MALRD1: variants seen among roughly 807,000 people sequenced by gnomAD.
MALRD1 encodes the protein MAM and LDL receptor class A domain containing 1.
A neutral mutation model predicts 242.1 loss-of-function variants in MALRD1; 247 were observed. The ratio of observed to expected loss-of-function variants is 1.02; its 90% CI spans 0.92 to 1.13. The LOEUF is 1.13. Among genes scored for constraint, MALRD1 ranks in the 50% most tolerant of loss-of-function variants. MALRD1 has a pLI of 0.00. For synonymous variants in MALRD1, 995 were observed against 866.6 expected (o/e 1.15, Z -2.60); for missense variants, 2,989 against 2,533.1 (o/e 1.18, Z -3.86).
intron 31 of MALRD1, among the ~76,000 whole-genome samples, chr10:19,522,947 T>C (rs1279716838): frequency 6.6e-6 from 1 of 152,226 alleles, no homozygotes; most frequent in Non-Finnish European, 1.5e-5. Flanking sequence ...TTCTCTATAG[T>C]AGTTATTCAA....
intron 31 of MALRD1, among the ~76,000 whole-genome samples, chr10:19,524,497 A>T (rs1046681970): frequency 6.6e-5 from 10 of 152,084 alleles, no homozygotes; most frequent in Non-Finnish European, 1.0e-4. Flanking sequence ...GCACGTTGGA[A>T]ATCTGCGGGA....
rs1554817785 is a variant in MALRD1 at position 19,238,498 on chromosome 10, A to AT, written c.2992-19186_2992-19185insT. Among the ~76,000 whole-genome samples the AT allele has an allele frequency of 1.5e-3, 11 of 7,154 alleles. 1 individual carries two copies. Among genetic ancestry groups the AT allele is most frequent in the Admixed American group, 4.7e-3 (2 of 422 alleles). 4.7% of individuals were successfully genotyped at this position (7,154 alleles called of 152,430 possible). ...ATAATATACATTATATATAATATAT[A>AT]ATATAATATATAATGTATATTATAT... is the stretch of plus-strand genomic sequence containing the variant. On this transcript the variant is annotated intron_variant, in intron 18 of 39. Coordinates refer to ENST00000454679, the MANE Select transcript of MALRD1 (RefSeq NM_001142308.3).
At chr10:19,063,174 A>G (rs1834873802) in intron 1 of MALRD1, among the ~76,000 whole-genome samples, 1 of 152,136 alleles carries the variant, frequency 6.6e-6, no homozygotes, top group African/African-American at 2.4e-5. Flanking sequence ...TATGTAATGT[A>G]TATTTTACTA....
chr10:19,490,878 T>A (rs887273173), intron 29 of MALRD1, among the ~76,000 whole-genome samples: 1 of 152,184 alleles, frequency 6.6e-6, no homozygotes, highest in South Asian at 2.1e-4. Flanking sequence ...GTTAGTTCTC[T>A]GTACTTGTCA....
chr10:19,141,592 A>T (rs1391282046), intron 10 of MALRD1, among the ~76,000 whole-genome samples: 5 of 151,640 alleles, frequency 3.3e-5, no homozygotes, highest in Admixed American at 2.6e-4. Context: ...TACAATTTTC[A>T]ATAACTCATA....
chr10:19,353,057 AG>A (rs1206405143), intron 26 of MALRD1, among the ~76,000 whole-genome samples: 9 of 151,754 alleles, frequency 5.9e-5, no homozygotes, highest in Middle Eastern at 6.8e-3. Context: ...CCCACACTGG[AG>A]TGCAGTGGTA....
intron 33 of MALRD1, among the ~76,000 whole-genome samples, chr10:19,574,270 G>T (rs981754132): frequency 2.6e-5 from 4 of 152,190 alleles, no homozygotes; most frequent in Non-Finnish European, 2.9e-5. Context: ...TTTGTCAGTT[G>T]TGTTCAATGG....
chr10:19,289,872 A>G (rs61850889), intron 21 of MALRD1, among the ~76,000 whole-genome samples: 2,430 of 152,262 alleles, frequency 0.016, 24 homozygotes, highest in Non-Finnish European at 0.026. Context: ...CTTTCTGTCA[A>G]TTCTTTCTTG....
At chr10:19,219,826 G>C (rs1837483767) in intron 18 of MALRD1, among the ~76,000 whole-genome samples, 1 of 151,158 alleles carries the variant, frequency 6.6e-6, no homozygotes, top group Non-Finnish European at 1.5e-5. Context: ...GCAGATCTGG[G>C]ATCCTACATG....
At chr10:19,293,522 A>G (rs573248047) in intron 21 of MALRD1, among the ~76,000 whole-genome samples, 1 of 152,328 alleles carries the variant, frequency 6.6e-6, no homozygotes, top group Admixed American at 6.5e-5. Flanking sequence ...AATCACTTTA[A>G]TTTTGATTTT....
intron 12 of MALRD1, among the ~76,000 whole-genome samples, chr10:19,163,137 T>TGAA (rs1491309752): frequency 0.033 from 1,451 of 43,824 alleles, 215 homozygotes; most frequent in Admixed American, 0.15. Flanking sequence ...AAACCCTGTC[T>TGAA]AAAAAAAAAA....
intron 29 of MALRD1, among the ~76,000 whole-genome samples, chr10:19,484,474 C>A (rs183868032): frequency 3.3e-5 from 5 of 152,026 alleles, no homozygotes; most frequent in Admixed American, 2.0e-4. Context: ...TAAAGCTCAT[C>A]TTAAATAAGG....
chr10:19,621,719 T>C (rs1443561436), intron 36 of MALRD1, among the ~76,000 whole-genome samples: 1 of 151,742 alleles, frequency 6.6e-6, no homozygotes, highest in Non-Finnish European at 1.5e-5. Context: ...ATTTACATAC[T>C]GAAAAAGTCA....
At chr10:19,155,821 A>C (rs537609958) in intron 12 of MALRD1, among the ~76,000 whole-genome samples, 3 of 152,352 alleles carry the variant, frequency 2.0e-5, no homozygotes, top group East Asian at 3.9e-4. Flanking sequence ...AAGGATTAAA[A>C]TGTGATTAAA....
At chr10:19,323,357 T>G (rs988407511) in intron 21 of MALRD1, among the ~76,000 whole-genome samples, 1 of 152,026 alleles carries the variant, frequency 6.6e-6, no homozygotes, top group African/African-American at 2.4e-5. Flanking sequence ...CTGATTAGAG[T>G]ATTAGTGGTA....
intron 32 of MALRD1, among the ~76,000 whole-genome samples, chr10:19,534,717 T>C (rs186330361): frequency 2.2e-4 from 33 of 152,290 alleles, no homozygotes; most frequent in Non-Finnish European, 4.6e-4. Flanking sequence ...CAGATATTCA[T>C]TGCTAGCTGG....
intron 36 of MALRD1, among the ~76,000 whole-genome samples, chr10:19,671,131 T>G (rs963872637): frequency 6.6e-6 from 1 of 152,000 alleles, no homozygotes; most frequent in Admixed American, 6.6e-5. Context: ...AAAAGATATT[T>G]TAGCATAAAA....
At chr10:19,276,887 T>C (rs567098291) in intron 19 of MALRD1, among the ~76,000 whole-genome samples, 3 of 152,160 alleles carry the variant, frequency 2.0e-5, no homozygotes, top group Admixed American at 6.6e-5. Flanking sequence ...TTTACATTTA[T>C]TTTATTTTGA....
chr10:19,734,327 T>C lies in MALRD1; in HGVS notation c.*90T>C. The C allele has an allele frequency of 9.3e-7, 1 of 1,080,978 alleles. No homozygotes were observed. Among genetic ancestry groups the C allele is most frequent in the Non-Finnish European group, 1.3e-6 (1 of 752,910 alleles). 67.0% of individuals were successfully genotyped at this position (1,080,978 alleles called of 1,614,324 possible). On this transcript the variant is annotated 3_prime_UTR_variant, in exon 40 of 40. Transcript: ENST00000454679. ...GATAGAAACTCATCTTCTACAATGG[T>C]AAAAAGAGAAAGGATTGTAAATGCC... is the stretch of plus-strand genomic sequence containing the variant.
Sources: allele counts gnomAD v4.1 joint callset (sites outside exome capture counted in the v4.1 genomes callset), GRCh38; gene constraint gnomAD v4.1.1; transcripts MANE v1.5; gene names NCBI Gene and HGNC (gene_info 2026-07-23, HGNC 2026-07-21).